The following FGFRL1 variants were observed in gnomAD, a reference collection of about 807,000 sequenced individuals.
FGFRL1 encodes the protein fibroblast growth factor receptor like 1.
In FGFRL1, 24 loss-of-function variants were observed where a neutral mutation model predicts 36.8. That is an observed-to-expected ratio of 0.65 (90% confidence interval 0.47 to 0.92). FGFRL1 has a LOEUF of 0.92. Ranked by LOEUF, FGFRL1 falls within the 40% of genes least tolerant of loss-of-function variation. The pLI, the probability that FGFRL1 is intolerant of heterozygous loss-of-function variation, is 0.00. For missense variants in FGFRL1, 785 were observed against 753.4 expected (o/e 1.04, Z -0.49); for synonymous variants, 422 against 344.1 (o/e 1.23, Z -2.50).
chr4:1,023,073 C>T lies in FGFRL1; in HGVS notation c.353-568C>T, dbSNP rs1716285037. Among the ~76,000 whole-genome samples, 2 of 151,822 alleles carry T rather than the reference C, an allele frequency of 1.3e-5. No homozygotes were observed. Among genetic ancestry groups the T allele is most frequent in the Admixed American group, 6.5e-5 (1 of 15,272 alleles). On this transcript the variant is annotated intron_variant, in intron 3 of 6. Transcript: ENST00000510644. This position sits in a 1 kb window ranked among gnomAD's most constrained non-coding sequence, Gnocchi z 6.0. ...GGTACATGTGCCCGTTTTCTGAATA[C>T]AGGAGCCTGGCCCAGGCCCCAGCAG...
At chr4:1,012,951 C>A (rs1286463344) in intron 2 of FGFRL1, among the ~76,000 whole-genome samples, 1 of 152,248 alleles carries the variant, frequency 6.6e-6, no homozygotes, top group Admixed American at 6.5e-5. Flanking sequence ...CTCTGGGAAC[C>A]TGCAGAGACC....
chr4:1,012,327 CG>C (rs1715633908), intron 1 of FGFRL1, 142 bp from the exon 2 acceptor site: 4 of 845,544 alleles, frequency 4.7e-6, no homozygotes, highest in Non-Finnish European at 7.1e-6. Context: ...AGCTTCTCCC[CG>C]CTGCGGCTTC....
chr4:1,020,528 G>A (rs933474816), intron 2 of FGFRL1, among the ~76,000 whole-genome samples: 8 of 151,116 alleles, frequency 5.3e-5, no homozygotes, highest in South Asian at 2.1e-4. Flanking sequence ...CTTCCTGGCC[G>A]GCTTGGCACT....
chr4:1,015,536 C>T (rs1017799503), intron 2 of FGFRL1, among the ~76,000 whole-genome samples: 1 of 152,206 alleles, frequency 6.6e-6, no homozygotes, highest in Non-Finnish European at 1.5e-5. Context: ...AGGTGGGTAC[C>T]AGTCCCCTTG....
At chr4:1,014,832 C>T (rs1715801971) in intron 2 of FGFRL1, among the ~76,000 whole-genome samples, 1 of 152,174 alleles carries the variant, frequency 6.6e-6, no homozygotes, top group African/African-American at 2.4e-5. Context: ...ATCTCGGGGC[C>T]CCACTCCTGG....
At chr4:1,024,869 T>A in intron 6 of FGFRL1, 36 bp from the exon 7 acceptor site, 1 of 1,548,092 alleles carries the variant, frequency 6.5e-7, no homozygotes, top group Non-Finnish European at 8.7e-7. Context: ...TGTGTCGGCG[T>A]TCCCCTCCCT....
chr4:1,017,153 A>G (rs572749288), intron 2 of FGFRL1, among the ~76,000 whole-genome samples: 1 of 151,852 alleles, frequency 6.6e-6, no homozygotes, highest in South Asian at 2.1e-4. Flanking sequence ...CTCCAGGAGG[A>G]CTTGGGGCCT....
intron 2 of FGFRL1, among the ~76,000 whole-genome samples, chr4:1,018,894 G>C (rs137980599): frequency 5.9e-5 from 9 of 152,300 alleles, no homozygotes; most frequent in East Asian, 1.9e-4. Flanking sequence ...GAGCCCAGGT[G>C]GGGGTGGGAT....
chr4:1,021,957 G>T (rs1182255985), intron 2 of FGFRL1, among the ~76,000 whole-genome samples: 2 of 152,240 alleles, frequency 1.3e-5, no homozygotes, highest in Non-Finnish European at 2.9e-5. Flanking sequence ...CCACGGGGCT[G>T]CCCCGGCCAT....
At chr4:1,015,297 C>T (rs1157298928) in intron 2 of FGFRL1, among the ~76,000 whole-genome samples, 2 of 152,226 alleles carry the variant, frequency 1.3e-5, no homozygotes, top group Non-Finnish European at 2.9e-5. Flanking sequence ...ATACCCACAC[C>T]CCTCTCCCCA....
chr4:1,020,062 C>G (rs1487888630), intron 2 of FGFRL1, among the ~76,000 whole-genome samples: 1 of 152,364 alleles, frequency 6.6e-6, no homozygotes, highest in East Asian at 1.9e-4. Flanking sequence ...GATAGGGATT[C>G]TCTGTGAGGG....
In FGFRL1 at chr4:1,023,884, C is replaced by A; in HGVS notation, c.501C>A (p.Ser167=). The A allele has an allele frequency of 6.3e-7, 1 of 1,581,720 alleles. No homozygotes were observed. Among genetic ancestry groups the A allele is most frequent in the East Asian group, 2.3e-5 (1 of 42,898 alleles). ...RRVIARPVGS[S]VRLKCVASGH... is the part of the protein sequence containing the mutation. Reference sequence around the variant, plus strand: ...TGATCGCACGGCCCGTGGGTAGCTCCGTGCGGCTCAAGTGCGTGGCCAGCG... The same window carrying A: ...TGATCGCACGGCCCGTGGGTAGCTCAGTGCGGCTCAAGTGCGTGGCCAGCG... The change falls in exon 5 of 7, where the codon TCC becomes TCA. Residue 167 remains serine (S), a synonymous_variant. Transcript: ENST00000510644. This position sits in a 1 kb window ranked among gnomAD's most constrained non-coding sequence, Gnocchi z 6.0.
rs1460559212 is a variant in FGFRL1 at position 1,024,318 on chromosome 4, C to G, written c.726C>G (p.Thr242=). The change falls in exon 6 of 7, where the codon ACC becomes ACG. Residue 242 remains threonine (T), a synonymous_variant. Coordinates refer to ENST00000510644, the MANE Select transcript of FGFRL1 (RefSeq NM_001004356.3). The part of the protein sequence containing the change: ...ATYKVDVIQR[T]RSKPVLTGTH... ...CGTGCCACGTTCCCACAGAGCGGAC[C>G]CGTTCCAAGCCCGTGCTCACAGGCA... The G allele has an allele frequency of 1.3e-6, 2 of 1,599,262 alleles. No homozygotes were observed. Among genetic ancestry groups the G allele is most frequent in the East Asian group, 2.2e-5 (1 of 44,626 alleles).
At chr4:1,015,331 C>CCCTG (rs544892646) in intron 2 of FGFRL1, among the ~76,000 whole-genome samples, 2 of 152,212 alleles carry the variant, frequency 1.3e-5, no homozygotes. Context: ...GGGCTGCACT[C>CCCTG]CCTGCCTGCC....
intron 2 of FGFRL1, among the ~76,000 whole-genome samples, chr4:1,016,034 G>A (rs960924263): frequency 1.3e-5 from 2 of 152,186 alleles, no homozygotes; most frequent in Non-Finnish European, 2.9e-5. Context: ...CAGGCCCGGT[G>A]CCCTCCTGTC....
Position 1,025,512 on chromosome 4 carries a change from G to C in FGFRL1, c.*165G>C, listed in dbSNP as rs958795888. The C allele has an allele frequency of 6.5e-5, 51 of 790,034 alleles. No homozygotes were observed. Among genetic ancestry groups the C allele is most frequent in the Non-Finnish European group, 1.0e-4 (50 of 502,290 alleles). The allele number at this position is 790,034 out of a possible 1,614,324, so 48.9% of individuals were successfully genotyped here. On this transcript the variant is annotated 3_prime_UTR_variant, in exon 7 of 7. Coordinates refer to ENST00000510644, the MANE Select transcript of FGFRL1 (RefSeq NM_001004356.3). Reference sequence around the variant, plus strand: ...CATAGCCCCTGGACACACACACACAGACACACACACTGCCTGGATGCATGT... The same window carrying C: ...CATAGCCCCTGGACACACACACACACACACACACACTGCCTGGATGCATGT...
chr4:1,022,127 G>A (rs1435202681), intron 2 of FGFRL1, 76 bp from the exon 3 acceptor site: 3 of 1,165,036 alleles, frequency 2.6e-6, no homozygotes, highest in African/African-American at 1.6e-5. Flanking sequence ...CTGGGCCGTG[G>A]GTCCCCTTTT....
At chr4:1,013,497 G>A (rs1277784208) in intron 2 of FGFRL1, among the ~76,000 whole-genome samples, 1 of 152,050 alleles carries the variant, frequency 6.6e-6, no homozygotes, top group Non-Finnish European at 1.5e-5. Context: ...CTGGGTGGCG[G>A]GCGGTGACCA....
intron 2 of FGFRL1, among the ~76,000 whole-genome samples, chr4:1,021,867 G>T (rs561391391): frequency 2.7e-4 from 41 of 152,314 alleles, no homozygotes; most frequent in African/African-American, 9.1e-4. Flanking sequence ...GGTGGTTTTC[G>T]AGAGTTACCA....
Sources: gnomAD v4.1 joint callset for allele counts (sites outside exome capture counted in the v4.1 genomes callset) on GRCh38, gnomAD v4.1.1 for gene constraint, Gnocchi (gnomAD v3.1) non-coding constraint, MANE v1.5 for transcripts, NCBI Gene and HGNC (gene_info 2026-07-23, HGNC 2026-07-21) for gene names.